Variants in MGMT observed in about 807,000 individuals in gnomAD.
MGMT encodes the protein O-6-methylguanine-DNA methyltransferase, also known as methylated-DNA--protein-cysteine methyltransferase.
Under a neutral mutation model 15.9 loss-of-function variants are expected in MGMT, and 14 were observed. The observed-to-expected ratio is 0.88, with a 90% CI of 0.58 to 1.37. MGMT has a LOEUF of 1.37. Ranked by LOEUF, MGMT falls within the 40% of genes most tolerant of loss-of-function variation. MGMT has a pLI of 0.00. For synonymous variants in MGMT, 130 were observed against 118.2 expected, an observed-to-expected ratio of 1.10 and a Z score of -0.65; for missense variants, 282 against 268.1, an observed-to-expected ratio of 1.05 and a Z score of -0.36.
intron 2 of MGMT, among the ~76,000 whole-genome samples, chr10:129,580,430 T>C (rs368550657): frequency 6.6e-6 from 1 of 152,278 alleles, no homozygotes; most frequent in Admixed American, 6.5e-5. Flanking sequence ...CACACAGCTC[T>C]TCAGAGGGGG....
rs530278229 is a variant in MGMT at position 129,572,194 on chromosome 10, T to C, written c.125+35817T>C. Among the ~76,000 whole-genome samples the C allele has an allele frequency of 2.5e-3, 384 of 152,292 alleles. 1 individual carries two copies. The highest frequency in any genetic ancestry group is 8.9e-3 in the African/African-American group (370 of 41,562). ...ATGTTACCTCCAGTTGAATTTTTAGTTGGGATTTGTTAAGATCAAGTTATC... is the reference window on the plus strand; with the variant it reads ...ATGTTACCTCCAGTTGAATTTTTAGCTGGGATTTGTTAAGATCAAGTTATC... On this transcript the variant is annotated intron_variant, in intron 2 of 4. Transcript: ENST00000651593.
intron 2 of MGMT, among the ~76,000 whole-genome samples, chr10:129,592,035 G>A (rs1353296757): frequency 6.6e-6 from 1 of 152,248 alleles, no homozygotes; most frequent in African/African-American, 2.4e-5. Flanking sequence ...TAGACACGGG[G>A]ATGAAGTGAA....
At chr10:129,484,978 T>C (rs1398312927) in intron 1 of MGMT, among the ~76,000 whole-genome samples, 6 of 151,808 alleles carry the variant, frequency 4.0e-5, no homozygotes, top group African/African-American at 1.2e-4. Context: ...TAAATATATA[T>C]GTATTACATA....
At position 129,585,899 on chromosome 10, in the gene MGMT, C is replaced by T. The variant is rs115071463; in HGVS notation, c.125+49522C>T. 2.3e-3 allele frequency among the ~76,000 whole-genome samples: 355 copies of T among 151,854 alleles called. 2 individuals are homozygous for T. Among genetic ancestry groups the T allele is most frequent in the African/African-American group, 8.1e-3 (335 of 41,518 alleles). ...CAACATGCCAGCATCACTATTCTTG[C>T]ACTTCAGGGCCATTATTAAGTGAAA... On this transcript the variant is annotated intron_variant, in intron 2 of 4. Coordinates refer to ENST00000651593, the MANE Select transcript of MGMT (RefSeq NM_002412.5).
chr10:129,476,631 A>T (rs978973992), intron 1 of MGMT, among the ~76,000 whole-genome samples: 1 of 152,040 alleles, frequency 6.6e-6, no homozygotes, highest in Non-Finnish European at 1.5e-5. Context: ...GTGACTCAGG[A>T]TGCTAGGACC....
chr10:129,675,921 TG>T (rs1197681407), intron 2 of MGMT, among the ~76,000 whole-genome samples: 2 of 151,986 alleles, frequency 1.3e-5, no homozygotes, highest in Non-Finnish European at 2.9e-5. Context: ...CAAAACCTGG[TG>T]GATTTCAGGG....
At chr10:129,759,627 A>G (rs185255313) in intron 4 of MGMT, among the ~76,000 whole-genome samples, 41 of 152,216 alleles carry the variant, frequency 2.7e-4, no homozygotes, top group Middle Eastern at 3.4e-3. Flanking sequence ...AGGAGTGGCA[A>G]GCGGGCAGAG....
intron 1 of MGMT, among the ~76,000 whole-genome samples, chr10:129,476,777 CAG>C (rs1483232851): frequency 6.6e-6 from 1 of 152,126 alleles, no homozygotes; most frequent in African/African-American, 2.4e-5. Context: ...CCTCCCAACT[CAG>C]GGTGTCCTGC....
chr10:129,574,747 T>C (rs1364523474), intron 2 of MGMT, among the ~76,000 whole-genome samples: 1 of 152,222 alleles, frequency 6.6e-6, no homozygotes, highest in African/African-American at 2.4e-5. Flanking sequence ...AAAACACTTC[T>C]GTGAGCATTG....
At chr10:129,583,612 T>C (rs1846582729) in intron 2 of MGMT, among the ~76,000 whole-genome samples, 1 of 152,174 alleles carries the variant, frequency 6.6e-6, no homozygotes, top group Admixed American at 6.5e-5. Flanking sequence ...CCCAAATTCT[T>C]CTTCATTGCA....
intron 2 of MGMT, among the ~76,000 whole-genome samples, chr10:129,697,138 G>A (rs1391721733): frequency 2.0e-5 from 3 of 152,210 alleles, no homozygotes; most frequent in African/African-American, 7.2e-5. Context: ...ATAGAAAGTA[G>A]GTTGGTTACT....
intron 2 of MGMT, among the ~76,000 whole-genome samples, chr10:129,552,427 G>C (rs545808776): frequency 4.6e-5 from 7 of 152,368 alleles, no homozygotes; most frequent in Non-Finnish European, 8.8e-5. Context: ...GTCAGTGACA[G>C]TGGAAATTGC....
chr10:129,681,051 G>A (rs932011887), intron 2 of MGMT, among the ~76,000 whole-genome samples: 2 of 152,180 alleles, frequency 1.3e-5, no homozygotes, highest in East Asian at 3.9e-4. Context: ...CTGTGGCCCT[G>A]CTTTGTGTCC....
chr10:129,513,160 G>GTAC (rs769478099), intron 1 of MGMT, among the ~76,000 whole-genome samples: 25 of 152,190 alleles, frequency 1.6e-4, no homozygotes, highest in Non-Finnish European at 3.1e-4. Flanking sequence ...AAAAGGACAA[G>GTAC]TACTATATGG....
intron 1 of MGMT, among the ~76,000 whole-genome samples, chr10:129,506,828 A>C (rs1273164295): frequency 6.6e-6 from 1 of 151,614 alleles, no homozygotes; most frequent in East Asian, 1.9e-4. Flanking sequence ...CATTGTTCAA[A>C]ACTCCTCCTC....
chr10:129,723,790 C>T (rs1171957556), intron 3 of MGMT, among the ~76,000 whole-genome samples: 2 of 152,148 alleles, frequency 1.3e-5, no homozygotes, highest in Non-Finnish European at 2.9e-5. Flanking sequence ...AAGTGCTCGG[C>T]ATCATCAGTC....
rs186879693 is a variant in MGMT at position 129,756,493 on chromosome 10, G to A, written c.275-2709G>A. Among the ~76,000 whole-genome samples the A allele has an allele frequency of 1.3e-3, 204 of 151,748 alleles. 2 individuals carry two copies. The highest frequency in any genetic ancestry group is 4.7e-3 in the African/African-American group (192 of 41,074). ...TGTTTTGTTTTTTGTTTTTTGAGAC[G>A]GAGTCTCGCTCTGTCGCCCAGGCTG... On this transcript the variant is annotated intron_variant, in intron 3 of 4. Coordinates refer to ENST00000651593, the MANE Select transcript of MGMT (RefSeq NM_002412.5).
chr10:129,599,485 G>T (rs183718680), intron 2 of MGMT, among the ~76,000 whole-genome samples: 4 of 152,148 alleles, frequency 2.6e-5, no homozygotes, highest in Non-Finnish European at 4.4e-5. Flanking sequence ...CTTGTCTTGC[G>T]CATTTATCAT....
At chr10:129,730,253 C>T (rs1848480873) in intron 3 of MGMT, among the ~76,000 whole-genome samples, 1 of 152,168 alleles carries the variant, frequency 6.6e-6, no homozygotes, top group South Asian at 2.1e-4. Context: ...TCACTACCAA[C>T]TGCAGTGAAA....
Sources: gnomAD v4.1 joint callset for allele counts (sites outside exome capture counted in the v4.1 genomes callset) on GRCh38, gnomAD v4.1.1 for gene constraint, MANE v1.5 for transcripts, NCBI Gene and HGNC (gene_info 2026-07-23, HGNC 2026-07-21) for gene names.